MAPK14: variants seen among roughly 807,000 people sequenced by gnomAD.
The protein encoded by MAPK14 is mitogen-activated protein kinase 14.
A neutral mutation model predicts 49.6 loss-of-function variants in MAPK14; 16 were observed. The ratio of observed to expected loss-of-function variants is 0.32; its 90% CI spans 0.22 to 0.49. The LOEUF is 0.49. Ranked by LOEUF, MAPK14 falls within the 20% of genes least tolerant of loss-of-function variation. The pLI is 0.99. For missense variants in MAPK14, 200 were observed against 441.2 expected, an observed-to-expected ratio of 0.45 and a Z score of 4.90; for synonymous variants, 142 against 158.0, an observed-to-expected ratio of 0.90 and a Z score of 0.76.
chr6:36,073,800 T>A, intron 5 of MAPK14, 80 bp downstream of exon 5: 5 of 1,396,620 alleles, frequency 3.6e-6, no homozygotes, highest in Non-Finnish European at 5.0e-6. Flanking sequence ...AAGATCCTAA[T>A]CTAAACTTTA....
chr6:36,066,740 G>C (rs1259773831), intron 3 of MAPK14, among the ~76,000 whole-genome samples: 1 of 148,440 alleles, frequency 6.7e-6, no homozygotes, highest in Non-Finnish European at 1.5e-5. Context: ...GATGAATTCT[G>C]GGTGTGTGTG....
chr6:36,073,848 G>T lies in MAPK14; in HGVS notation c.447+128G>T, dbSNP rs1018288491. The stretch of plus-strand genomic sequence containing the variant: ...TTGATTGATTGCAACTTTACTGTAG[G>T]TTTAAGCTGATTAAAGAAAGAAGAT... On this transcript the variant is annotated intron_variant, in intron 5 of 11. Transcript: ENST00000229794. 33 of 1,039,144 alleles carry T rather than the reference G, an allele frequency of 3.2e-5. 1 individual carries two copies. Among genetic ancestry groups the T allele is most frequent in the Non-Finnish European group, 3.9e-5 (27 of 690,628 alleles). 64.4% of individuals were successfully genotyped at this position (1,039,144 alleles called of 1,614,324 possible). A position where few individuals can be genotyped will look rare whatever the true frequency, so the allele number is the denominator to read the frequency against.
rs368755369 is a variant in MAPK14 at position 36,073,612 on chromosome 6, A to T, written c.418-79A>T. 4.9e-4 allele frequency: 565 copies of T among 1,150,844 alleles called. 1 individual carries two copies. The highest frequency in any genetic ancestry group is 6.0e-4 in the Non-Finnish European group (469 of 778,112). 71.3% of individuals were successfully genotyped at this position (1,150,844 alleles called of 1,614,324 possible). On this transcript the variant is annotated intron_variant, in intron 4 of 11. Transcript: ENST00000229794. ...TAACACTAGCAGTTCTTACTGATTC[A>T]TGAAAATGTGCAGCAAATATGTTAT...
At chr6:36,116,720 C>G in the MAPK14 span, among the ~76,000 whole-genome samples, 2 of 152,186 alleles carry the variant, frequency 1.3e-5, no homozygotes, top group Non-Finnish European at 2.9e-5. Context: ...GAAGTGAAAC[C>G]TCCACAATGC....
rs371920281 is a variant in MAPK14 at position 36,045,808 on chromosome 6, CAAAAAAAAAAAAAA to C, written c.117-6879_117-6866del. Among the ~76,000 whole-genome samples, 4 of 46,404 alleles carry C rather than the reference CAAAAAAAAAAAAAA, an allele frequency of 8.6e-5. No individual in the cohort carries two copies. The South Asian group carries it at 2.2e-3, about 26-fold the overall frequency. 30.4% of individuals were successfully genotyped at this position (46,404 alleles called of 152,430 possible). On this transcript the variant is annotated intron_variant, in intron 1 of 11. Coordinates refer to ENST00000229794, the MANE Select transcript of MAPK14 (RefSeq NM_139012.3). ...TGGGTGACACAGCAAGACTCTGTCT[CAAAAAAAAAAAAAA>C]AAAAAAAAAAAGAAAGAAAGGACCT... is the stretch of plus-strand genomic sequence containing the variant.
At chr6:36,082,289 A>G (rs563962739) in intron 8 of MAPK14, among the ~76,000 whole-genome samples, 1 of 152,334 alleles carries the variant, frequency 6.6e-6, no homozygotes, top group South Asian at 2.1e-4. Context: ...GAAAGTAGGC[A>G]TCCTTGTCTT....
intron 9 of MAPK14, among the ~76,000 whole-genome samples, chr6:36,099,193 G>A (rs1311885945): frequency 6.6e-6 from 1 of 152,180 alleles, no homozygotes; most frequent in South Asian, 2.1e-4. Context: ...ACCTGAATGA[G>A]GGAATTAGTA....
intron 3 of MAPK14, among the ~76,000 whole-genome samples, chr6:36,060,908 A>C (rs556641060): frequency 6.6e-6 from 1 of 152,334 alleles, no homozygotes; most frequent in African/African-American, 2.4e-5. Context: ...CCTGCTAATG[A>C]AAGTTTAAGA....
intron 8 of MAPK14, among the ~76,000 whole-genome samples, chr6:36,090,242 TA>T (rs1423269895): frequency 2.0e-5 from 3 of 152,182 alleles, no homozygotes; most frequent in Non-Finnish European, 2.9e-5. Flanking sequence ...GCTTGTGAGT[TA>T]AAACACTGGC....
the MAPK14 span, among the ~76,000 whole-genome samples, chr6:36,123,454 C>G: frequency 6.6e-6 from 1 of 152,296 alleles, no homozygotes; most frequent in African/African-American, 2.4e-5. Flanking sequence ...CCACACATCC[C>G]AGATCCCACC....
At chr6:36,104,131 A>G (rs901059491) in intron 10 of MAPK14, among the ~76,000 whole-genome samples, 2 of 152,132 alleles carry the variant, frequency 1.3e-5, no homozygotes, top group African/African-American at 4.8e-5. Flanking sequence ...GCAGTTGTGG[A>G]TGAGTTCGTG....
At chr6:36,069,982 A>G (rs1045427084) in intron 3 of MAPK14, among the ~76,000 whole-genome samples, 6 of 152,190 alleles carry the variant, frequency 3.9e-5, no homozygotes, top group Non-Finnish European at 7.4e-5. Context: ...GTCAAAAAAT[A>G]TAATTATGTG....
chr6:36,116,690 T>C, the MAPK14 span, among the ~76,000 whole-genome samples: 2 of 152,164 alleles, frequency 1.3e-5, no homozygotes, highest in African/African-American at 4.8e-5. Flanking sequence ...CAAATGACTC[T>C]GGGACACCTG....
At position 36,102,655 on chromosome 6, in the gene MAPK14, T is replaced by C. The variant is rs1472063693; in HGVS notation, c.841+6T>C. 2 of 1,613,618 alleles carry C rather than the reference T, an allele frequency of 1.2e-6. No individual in the cohort carries two copies. Among genetic ancestry groups the C allele is most frequent in the East Asian group, 2.2e-5 (1 of 44,866 alleles). ...TATTGGTGCCAATCCCCTGGGTAAG[T>C]TGACCATATATCCTCACCTCATGGA... On this transcript the variant is annotated splice_donor_region_variant and intron_variant, in intron 10 of 11. Coordinates refer to ENST00000229794, the MANE Select transcript of MAPK14 (RefSeq NM_139012.3).
downstream of MAPK14, among the ~76,000 whole-genome samples, chr6:36,114,549 C>T (rs188120833): frequency 2.0e-5 from 3 of 149,864 alleles, no homozygotes; most frequent in East Asian, 2.0e-4. Flanking sequence ...ACCTGGGAGG[C>T]GGAGGTTGCA....
chr6:36,118,170 T>TA, the MAPK14 span, among the ~76,000 whole-genome samples: 2 of 152,218 alleles, frequency 1.3e-5, no homozygotes, highest in Non-Finnish European at 2.9e-5. Flanking sequence ...CTGATGGCCA[T>TA]AATCTAGATA....
intron 3 of MAPK14, among the ~76,000 whole-genome samples, chr6:36,064,279 C>CG (rs397758458): frequency 7.8e-6 from 1 of 128,144 alleles, no homozygotes; most frequent in Non-Finnish European, 1.6e-5. Context: ...TGCCCCCCCC[C>CG]ACCCCTTTTT....
intron 1 of MAPK14, among the ~76,000 whole-genome samples, chr6:36,046,865 C>CT (rs1448639844): frequency 1.3e-5 from 2 of 152,236 alleles, no homozygotes; most frequent in Admixed American, 1.3e-4. Flanking sequence ...AACTTGCACA[C>CT]TTAATCAGTC....
At chr6:36,047,215 G>A (rs1763213648) in intron 1 of MAPK14, among the ~76,000 whole-genome samples, 1 of 152,166 alleles carries the variant, frequency 6.6e-6, no homozygotes, top group African/African-American at 2.4e-5. Flanking sequence ...CAGAGTAATG[G>A]CTTCTTAGAG....
Sources: allele counts gnomAD v4.1 joint callset (sites outside exome capture counted in the v4.1 genomes callset), GRCh38; gene constraint gnomAD v4.1.1; transcripts MANE v1.5; gene names NCBI Gene and HGNC (gene_info 2026-07-23, HGNC 2026-07-21).